MYT1: variants seen among roughly 807,000 people sequenced by gnomAD.
The protein encoded by MYT1 is myelin transcription factor 1, also known as myelin transcription factor I.
MYT1 carries 23 observed loss-of-function variants against 123.0 expected under a neutral mutation model. The ratio of observed to expected loss-of-function variants is 0.19; its 90% CI spans 0.13 to 0.26. MYT1 has a LOEUF of 0.26. Ranked by LOEUF, MYT1 falls within the 10% of genes least tolerant of loss-of-function variation. The pLI is 1.00. For synonymous variants in MYT1, 518 were observed against 575.3 expected (o/e 0.90, Z 1.43); for missense variants, 1,125 against 1,472.5 (o/e 0.76, Z 3.86).
intron 19 of MYT1, among the ~76,000 whole-genome samples, chr20:64,235,481 G>C (rs1650533544): frequency 7.0e-6 from 1 of 142,258 alleles, no homozygotes; most frequent in South Asian, 2.3e-4. Context: ...GAATGGTCAT[G>C]ATGGGTGACC....
rs770586882 is a variant in MYT1, at chr20:64,213,875, C to T, written c.1631+228C>T. ...GACAGAGTCTCATGTCTACCACATT[C>T]GCCAGTGCCTCAGCCAAAGCGCAAA... On this transcript the variant is annotated intron_variant, in intron 10 of 22. Transcript: ENST00000328439. The surrounding 1 kb of genome is among the most constrained non-coding windows in gnomAD (Gnocchi z 5.6). 6.6e-6 allele frequency among the ~76,000 whole-genome samples: 1 copy of T among 152,348 alleles called. No homozygotes were observed. Among genetic ancestry groups the T allele is most frequent in the East Asian group, 1.9e-4 (1 of 5,182 alleles).
chr20:64,205,928 G>A (rs1983479098), intron 6 of MYT1, 128 bp downstream of exon 6: 5 of 1,423,826 alleles, frequency 3.5e-6, no homozygotes, highest in Non-Finnish European at 4.7e-6. Context: ...GGCATGTCTT[G>A]TCCCAACATG....
intron 2 of MYT1, among the ~76,000 whole-genome samples, chr20:64,195,507 T>G (rs1983093007): frequency 6.6e-6 from 1 of 151,438 alleles, no homozygotes; most frequent in African/African-American, 2.4e-5. Context: ...GTGATCCTCC[T>G]GCCTCAGCCT....
chr20:64,211,516 A>G (rs1301611914), intron 8 of MYT1, among the ~76,000 whole-genome samples, 176 bp downstream of exon 8: 2 of 152,112 alleles, frequency 1.3e-5, no homozygotes, highest in African/African-American at 4.8e-5. Flanking sequence ...CCTCAGCCCA[A>G]ACTTGAGCCC....
intron 10 of MYT1, 53 bp from the exon 11 acceptor site, chr20:64,217,014 C>T (rs568677163): frequency 1.8e-4 from 279 of 1,545,040 alleles, no homozygotes; most frequent in Non-Finnish European, 2.3e-4. Flanking sequence ...GAGGGTGGCA[C>T]GGGATCCCCA....
intron 2 of MYT1, among the ~76,000 whole-genome samples, chr20:64,197,426 T>G (rs1983155686): frequency 6.6e-6 from 1 of 152,196 alleles, no homozygotes; most frequent in African/African-American, 2.4e-5. Context: ...TCCTGCTGCC[T>G]CTCTTCCTTT....
In MYT1 at chr20:64,207,360, G is replaced by A. The variant is rs141694117; in HGVS notation, c.398-234G>A. Among the ~76,000 whole-genome samples, 511 of 152,300 alleles carry A rather than the reference G, an allele frequency of 3.4e-3. 2 individuals carry two copies. The highest frequency in any genetic ancestry group is 0.012 in the African/African-American group (488 of 41,568). On this transcript the variant is annotated intron_variant, in intron 6 of 22. Transcript: ENST00000328439. ...TTCTTAGTTTAAAAAATACATCAGT[G>A]GCCCATGACCTGCCTCCTAAAATAT...
At chr20:64,169,328 C>T (rs921513965) in intron 1 of MYT1, among the ~76,000 whole-genome samples, 2 of 152,208 alleles carry the variant, frequency 1.3e-5, no homozygotes, top group African/African-American at 2.4e-5. Context: ...AGACCCGAGG[C>T]GCGTCCCCAA....
In MYT1 at chr20:64,208,258, G is replaced by A. The variant is rs150894314; in HGVS notation, c.1062G>A (p.Glu354=). 315 of 1,614,022 alleles carry A rather than the reference G, an allele frequency of 2.0e-4. No homozygotes were observed. The highest frequency in any genetic ancestry group is 1.6e-4 in the Non-Finnish European group (183 of 1,180,038). The change falls in exon 7 of 23, where the codon GAG becomes GAA. Residue 354 remains glutamate (E), a synonymous_variant. Transcript: ENST00000328439. The surrounding 1 kb of genome is among the most constrained non-coding windows in gnomAD (Gnocchi z 5.4). ...VEVRSDDDKD[E]DTHSRKSTVT... is the part of the protein sequence containing the mutation. The stretch of plus-strand genomic sequence containing the variant: ...TCCGCTCGGATGATGACAAGGACGA[G>A]GACACCCACTCCCGGAAGTCAACAG...
chr20:64,240,006 C>G, intron 22 of MYT1, 103 bp downstream of exon 22: 1 of 1,482,238 alleles, frequency 6.7e-7, no homozygotes, highest in Non-Finnish European at 9.1e-7. Context: ...CTGGGTCCTG[C>G]CCTAGGGGCC....
At chr20:64,188,287 A>G (rs868625696) in intron 1 of MYT1, among the ~76,000 whole-genome samples, 13 of 152,316 alleles carry the variant, frequency 8.5e-5, no homozygotes, top group Middle Eastern at 6.8e-3. Context: ...CGGGAGAGGC[A>G]GCGTCTCCTC....
chr20:64,173,727 A>C (rs76780904), intron 1 of MYT1, among the ~76,000 whole-genome samples: 5 of 20,108 alleles, frequency 2.5e-4, no homozygotes, highest in African/African-American at 4.8e-4. Context: ...CCCCTCCCTG[A>C]CTTCTCCTCC....
Position 64,240,302 on chromosome 20 carries a change from C to T in MYT1, c.3238-18C>T. ...CCACTGCATGGACGGAGCTTGCTAA[C>T]CTGGTTCTGTTCTCTAGGAGCCAAT... On this transcript the variant is annotated intron_variant, in intron 22 of 22. Transcript: ENST00000328439. 6.2e-7 allele frequency: 1 copy of T among 1,611,974 alleles called. No individual in the cohort carries two copies. The highest frequency in any genetic ancestry group is 1.1e-5 in the South Asian group (1 of 90,808).
At chr20:64,209,525 G>T (rs1298301881) in intron 7 of MYT1, among the ~76,000 whole-genome samples, 1 of 152,200 alleles carries the variant, frequency 6.6e-6, no homozygotes, top group African/African-American at 2.4e-5. Flanking sequence ...GGGGGCAGTG[G>T]GAGTTCTTGG....
chr20:64,220,278 G>A (rs989897823), intron 13 of MYT1, among the ~76,000 whole-genome samples: 1 of 152,210 alleles, frequency 6.6e-6, no homozygotes, highest in African/African-American at 2.4e-5. Context: ...GGGCACTGTG[G>A]AGGCATGGGG....
rs147421417 is a variant in MYT1, at chr20:64,216,861, G to A, written c.1632-206G>A. Among the ~76,000 whole-genome samples the A allele has an allele frequency of 7.9e-5, 12 of 152,282 alleles. No individual in the cohort carries two copies. In the East Asian group the frequency reaches 2.3e-3, roughly 29 times the overall value. ...TCCTCCCTGCAGGCCATTCTTCACC[G>A]GCCTGCTCTGGGAGCCCTTGACCCT... On this transcript the variant is annotated intron_variant, in intron 10 of 22. Coordinates refer to ENST00000328439, the MANE Select transcript of MYT1 (RefSeq NM_004535.3).
rs1983368091 is a variant in MYT1, at chr20:64,202,923, GC to G, written c.87-2109del. 6.6e-6 allele frequency among the ~76,000 whole-genome samples: 1 copy of G among 152,186 alleles called. No homozygotes were observed. Among genetic ancestry groups the G allele is most frequent in the Non-Finnish European group, 1.5e-5 (1 of 68,022 alleles). On this transcript the variant is annotated intron_variant, in intron 4 of 22. Coordinates refer to ENST00000328439, the MANE Select transcript of MYT1 (RefSeq NM_004535.3). This position sits in a 1 kb window ranked among gnomAD's most constrained non-coding sequence, Gnocchi z 5.0. ...CCGTCTTCCTCTCCCTACAACTCTG[GC>G]CCTGAGCACCCAGAGGACATCAGGA...
chr20:64,186,125 G>A lies in MYT1; in HGVS notation c.-98-3938G>A, dbSNP rs188820548. On this transcript the variant is annotated intron_variant, in intron 1 of 22. Coordinates refer to ENST00000328439, the MANE Select transcript of MYT1 (RefSeq NM_004535.3). The surrounding 1 kb of genome is among the most constrained non-coding windows in gnomAD (Gnocchi z 4.3). ...TTGTGCATCAATCTCAGCTGAGGAG[G>A]CCCTGTTTGTTTCCTGAGTTTTTCT... Among the ~76,000 whole-genome samples the A allele has an allele frequency of 2.1e-4, 32 of 152,262 alleles. 1 individual carries two copies. In the East Asian group the frequency reaches 5.6e-3, roughly 27 times the overall value.
Position 64,237,400 on chromosome 20 carries a change from G to A in MYT1, c.3093+10G>A, listed in dbSNP as rs377296336. The A allele has an allele frequency of 2.5e-6, 4 of 1,588,810 alleles. No individual in the cohort carries two copies. The highest frequency in any genetic ancestry group is 3.4e-6 in the Non-Finnish European group (4 of 1,167,294). Reference sequence around the variant, plus strand: ...GCAGCTGCAGTCCCAGGTAGGTGGTGCCGCCCCCCGCTCCTGGGCTCTTTG... The same window carrying A: ...GCAGCTGCAGTCCCAGGTAGGTGGTACCGCCCCCCGCTCCTGGGCTCTTTG... On this transcript the variant is annotated intron_variant, in intron 21 of 22. Coordinates refer to ENST00000328439, the MANE Select transcript of MYT1 (RefSeq NM_004535.3).
Sources: allele counts gnomAD v4.1 joint callset (sites outside exome capture counted in the v4.1 genomes callset), GRCh38; gene constraint gnomAD v4.1.1; non-coding constraint Gnocchi (gnomAD v3.1); transcripts MANE v1.5; gene names NCBI Gene and HGNC (gene_info 2026-07-23, HGNC 2026-07-21).